DCC: variants seen among roughly 807,000 people sequenced by gnomAD.
DCC encodes the protein DCC netrin 1 receptor.
DCC carries 58 observed loss-of-function variants against 172.5 expected under a neutral mutation model. The ratio of observed to expected loss-of-function variants is 0.34; its 90% CI spans 0.27 to 0.42. The LOEUF (loss-of-function observed/expected upper bound fraction) is 0.42, where lower values mean the gene tolerates loss of function less well. Ranked by LOEUF, DCC falls within the 10% of genes least tolerant of loss-of-function variation. DCC has a pLI of 1.00. For missense variants in DCC, 1,740 were observed against 1,791.0 expected, an observed-to-expected ratio of 0.97 and a Z score of 0.51; for synonymous variants, 709 against 644.5, an observed-to-expected ratio of 1.10 and a Z score of -1.52.
intron 3 of DCC, among the ~76,000 whole-genome samples, chr18:52,918,546 T>A (rs2040073149): frequency 6.6e-6 from 1 of 152,172 alleles, no homozygotes; most frequent in Non-Finnish European, 1.5e-5. Flanking sequence ...TACTAGAGTT[T>A]AAGATAACTC....
intron 7 of DCC, among the ~76,000 whole-genome samples, chr18:53,092,802 CATCACAGACCCTGATGT>C (rs1255706319): frequency 1.3e-5 from 2 of 152,100 alleles, no homozygotes; most frequent in African/African-American, 4.8e-5. Flanking sequence ...ATCCAGTCCC[CATCACAGACCCTGATGT>C]ATCATAGACC....
intron 1 of DCC, among the ~76,000 whole-genome samples, chr18:52,599,327 C>T (rs945506357): frequency 2.0e-5 from 3 of 152,054 alleles, no homozygotes; most frequent in African/African-American, 7.2e-5. Flanking sequence ...CTGTGCAGGG[C>T]CATATAGTGT....
chr18:52,889,976 A>G (rs10502953), intron 2 of DCC, among the ~76,000 whole-genome samples: 3,182 of 152,294 alleles, frequency 0.021, 58 homozygotes, highest in Admixed American at 0.039. Context: ...GTGAATATCC[A>G]AAGAAATATA....
At chr18:52,769,831 G>C (rs527694481) in intron 2 of DCC, among the ~76,000 whole-genome samples, 2 of 152,232 alleles carry the variant, frequency 1.3e-5, no homozygotes, top group Admixed American at 6.5e-5. Context: ...AGCATCAATT[G>C]TTGAATAAAA....
chr18:52,654,898 C>G (rs1446850677), intron 1 of DCC, among the ~76,000 whole-genome samples: 1 of 152,116 alleles, frequency 6.6e-6, no homozygotes, highest in Non-Finnish European at 1.5e-5. Context: ...TCTCTTCTAC[C>G]TGCTTCACTC....
intron 1 of DCC, among the ~76,000 whole-genome samples, chr18:52,362,115 A>G (rs7235817): frequency 0.32 from 49,098 of 151,932 alleles, 8,445 homozygotes; most frequent in East Asian, 0.51. Context: ...TTGCTAACTC[A>G]TATACACCAA....
intron 23 of DCC, 106 bp downstream of exon 23, chr18:53,450,768 C>A: frequency 1.0e-6 from 1 of 955,346 alleles, no homozygotes; most frequent in Non-Finnish European, 1.6e-6. Context: ...CATGTCCTTA[C>A]TTCCTAACCC....
chr18:53,008,229 T>A (rs2041674381), intron 5 of DCC, among the ~76,000 whole-genome samples: 1 of 152,128 alleles, frequency 6.6e-6, no homozygotes, highest in African/African-American at 2.4e-5. Flanking sequence ...TAGATCACAC[T>A]TTCATGTTTA....
At chr18:52,741,396 C>T (rs2033138932) in intron 1 of DCC, among the ~76,000 whole-genome samples, 1 of 152,142 alleles carries the variant, frequency 6.6e-6, no homozygotes, top group South Asian at 2.1e-4. Flanking sequence ...CAGGGGTTCT[C>T]ATCCTCATCA....
chr18:52,610,492 A>G (rs949355901), intron 1 of DCC, among the ~76,000 whole-genome samples: 2 of 150,696 alleles, frequency 1.3e-5, no homozygotes, highest in African/African-American at 4.9e-5. Context: ...ATACTGGGTA[A>G]GACTGACCAT....
intron 25 of DCC, among the ~76,000 whole-genome samples, chr18:53,484,785 C>T (rs944214583): frequency 6.6e-6 from 1 of 151,932 alleles, no homozygotes; most frequent in East Asian, 1.9e-4. Flanking sequence ...GTTATGGTTT[C>T]ATAGAAATTT....
chr18:52,855,778 T>C (rs8089406), intron 2 of DCC, among the ~76,000 whole-genome samples: 7,626 of 150,416 alleles, frequency 0.051, 632 homozygotes, highest in African/African-American at 0.18. Context: ...TTTTTTTTTT[T>C]TTTTGAGATG....
At chr18:52,690,510 A>G (rs1406130585) in intron 1 of DCC, among the ~76,000 whole-genome samples, 1 of 152,174 alleles carries the variant, frequency 6.6e-6, no homozygotes, top group African/African-American at 2.4e-5. Context: ...GTTGAAAAAT[A>G]AGGCTAATAG....
chr18:53,017,496 G>A (rs907730435), intron 5 of DCC, among the ~76,000 whole-genome samples: 2 of 152,114 alleles, frequency 1.3e-5, no homozygotes, highest in African/African-American at 4.8e-5. Flanking sequence ...AGTATGTCCA[G>A]TTTTAGAAGT....
chr18:53,287,566 A>G (rs1290467126), intron 12 of DCC, among the ~76,000 whole-genome samples: 1 of 152,134 alleles, frequency 6.6e-6, no homozygotes, highest in African/African-American at 2.4e-5. Context: ...CTGCTAAACT[A>G]TTTTTCAAAG....
intron 1 of DCC, among the ~76,000 whole-genome samples, chr18:52,520,142 T>C (rs1352033179): frequency 6.6e-6 from 1 of 152,192 alleles, no homozygotes; most frequent in Non-Finnish European, 1.5e-5. Context: ...TCCAAGCTGC[T>C]CAGTTCCCAA....
intron 2 of DCC, among the ~76,000 whole-genome samples, chr18:52,850,658 C>T (rs781408403): frequency 1.3e-5 from 2 of 152,086 alleles, no homozygotes; most frequent in African/African-American, 2.4e-5. Flanking sequence ...ACCTATTCTA[C>T]TTGTCCTGTA....
intron 11 of DCC, among the ~76,000 whole-genome samples, chr18:53,212,735 A>G (rs943141784): frequency 6.6e-5 from 10 of 151,784 alleles, no homozygotes; most frequent in Admixed American, 2.0e-4. Flanking sequence ...CAGTGGCACA[A>G]TCTCAGCTCA....
chr18:53,096,396 C>T (rs938066072), intron 7 of DCC, among the ~76,000 whole-genome samples: 4 of 152,024 alleles, frequency 2.6e-5, no homozygotes, highest in Admixed American at 2.0e-4. Flanking sequence ...AGAAGTGTAA[C>T]TTTCAATAAA....
Sources: allele counts gnomAD v4.1 joint callset (sites outside exome capture counted in the v4.1 genomes callset), GRCh38; gene constraint gnomAD v4.1.1; transcripts MANE v1.5; gene names NCBI Gene and HGNC (gene_info 2026-07-23, HGNC 2026-07-21).